Variants in AUTS2 observed in about 807,000 individuals in gnomAD.
The protein encoded by AUTS2 is autism susceptibility gene 2 protein.
Under a neutral mutation model 112.4 loss-of-function variants are expected in AUTS2, and 17 were observed. That is an observed-to-expected ratio of 0.15 (90% CI 0.10 to 0.23). The LOEUF is 0.23. Ranked by LOEUF, AUTS2 falls within the 10% of genes least tolerant of loss-of-function variation. The pLI, the probability that AUTS2 is intolerant of heterozygous loss-of-function variation, is 1.00. For missense variants in AUTS2, 1,510 were observed against 1,701.6 expected, an observed-to-expected ratio of 0.89 and a Z score of 1.98; for synonymous variants, 751 against 702.7, an observed-to-expected ratio of 1.07 and a Z score of -1.09.
At chr7:70,169,795 CG>C (rs1562758640) in intron 4 of AUTS2, among the ~76,000 whole-genome samples, 1 of 152,036 alleles carries the variant, frequency 6.6e-6, no homozygotes, top group Non-Finnish European at 1.5e-5. Context: ...AGAAACATTA[CG>C]GGGTATGATT....
At position 70,791,570 on chromosome 7, in the gene AUTS2, ATTG is replaced by A. The variant is rs917234393; in HGVS notation, c.*577_*579del. On this transcript the variant is annotated 3_prime_UTR_variant, in exon 19 of 19. Coordinates refer to ENST00000342771, the MANE Select transcript of AUTS2 (RefSeq NM_015570.4). ...GTCGGCTAAAGCTGTGTTCCCATAT[ATTG>A]TTATAGACAGCTAAACCCTTCAACT... 6.5e-6 allele frequency: 1 copy of A among 152,674 alleles called. No homozygotes were observed. The highest frequency in any genetic ancestry group is 1.5e-5 in the Non-Finnish European group (1 of 68,050). The allele number at this position is 152,674 out of a possible 1,614,324, so 9.5% of individuals were successfully genotyped here.
At chr7:69,681,609 A>C (rs374312054) in intron 1 of AUTS2, among the ~76,000 whole-genome samples, 5 of 152,182 alleles carry the variant, frequency 3.3e-5, no homozygotes, top group African/African-American at 1.2e-4. Context: ...TGCAATTGCT[A>C]TGAGTGATCT....
intron 2 of AUTS2, among the ~76,000 whole-genome samples, chr7:70,052,901 C>T (rs868660418): frequency 2.6e-5 from 4 of 152,056 alleles, no homozygotes; most frequent in South Asian, 2.1e-4. Flanking sequence ...GTCATGCATG[C>T]TTTCTGTATG....
At chr7:69,819,536 G>A (rs1186606587) in intron 1 of AUTS2, among the ~76,000 whole-genome samples, 1 of 152,232 alleles carries the variant, frequency 6.6e-6, no homozygotes, top group African/African-American at 2.4e-5. Context: ...GATGACAGGT[G>A]TATGCTGAGC....
At chr7:70,192,074 C>G in intron 4 of AUTS2, among the ~76,000 whole-genome samples, 1 of 152,060 alleles carries the variant, frequency 6.6e-6, no homozygotes, top group East Asian at 1.9e-4. Context: ...TAGTTTTAGG[C>G]AAATCACTTA....
intron 4 of AUTS2, among the ~76,000 whole-genome samples, chr7:70,339,085 G>C (rs187796330): frequency 6.6e-6 from 1 of 151,676 alleles, no homozygotes; most frequent in East Asian, 1.9e-4. Context: ...GGATGGTTTC[G>C]ATCTCCTGAC....
chr7:70,128,391 A>C (rs1806090426), intron 3 of AUTS2, among the ~76,000 whole-genome samples: 1 of 152,224 alleles, frequency 6.6e-6, no homozygotes, highest in Non-Finnish European at 1.5e-5. Context: ...TTTCTAATAG[A>C]ATGTTTTCTG....
chr7:70,314,678 A>T (rs1789915171), intron 4 of AUTS2, among the ~76,000 whole-genome samples: 1 of 151,834 alleles, frequency 6.6e-6, no homozygotes, highest in South Asian at 2.1e-4. Context: ...CTCTACCAAG[A>T]ATATCAAGGG....
chr7:70,736,980 GAAGGGAT>G (rs1341715909), intron 6 of AUTS2, among the ~76,000 whole-genome samples: 1 of 152,178 alleles, frequency 6.6e-6, no homozygotes, highest in Non-Finnish European at 1.5e-5. Flanking sequence ...GTTAACAACA[GAAGGGAT>G]CATTTCCCTC....
chr7:69,606,763 A>C (rs1255723986), intron 1 of AUTS2, among the ~76,000 whole-genome samples: 1 of 152,218 alleles, frequency 6.6e-6, no homozygotes, highest in Non-Finnish European at 1.5e-5. Context: ...ATTTGGTAAA[A>C]CTTGAGACAG....
At chr7:70,405,407 G>C (rs1272494262) in intron 4 of AUTS2, among the ~76,000 whole-genome samples, 1 of 152,160 alleles carries the variant, frequency 6.6e-6, no homozygotes, top group Non-Finnish European at 1.5e-5. Flanking sequence ...AAATGGAAAG[G>C]AAAACAGCTT....
At chr7:70,132,680 A>AAT (rs1388258372) in intron 3 of AUTS2, among the ~76,000 whole-genome samples, 2 of 152,162 alleles carry the variant, frequency 1.3e-5, no homozygotes, top group Admixed American at 6.5e-5. Context: ...AGTAATGTAC[A>AAT]ATATATATGC....
At chr7:69,760,348 G>A (rs1300506506) in intron 1 of AUTS2, among the ~76,000 whole-genome samples, 2 of 151,340 alleles carry the variant, frequency 1.3e-5, no homozygotes, top group Admixed American at 1.3e-4. Flanking sequence ...TAATGTAGAT[G>A]ATTTTTTAAA....
chr7:69,928,829 G>A (rs576921781), intron 2 of AUTS2, among the ~76,000 whole-genome samples: 2 of 152,174 alleles, frequency 1.3e-5, no homozygotes, highest in South Asian at 2.1e-4. Context: ...TAAGGTGCAG[G>A]GCTCCTGCTA....
intron 1 of AUTS2, among the ~76,000 whole-genome samples, chr7:69,661,193 A>AT (rs1795777573): frequency 6.6e-6 from 1 of 152,312 alleles, no homozygotes; most frequent in Non-Finnish European, 1.5e-5. Flanking sequence ...ACCTGGATAG[A>AT]TTGATTTGTG....
chr7:69,806,057 A>T (rs575029867), intron 1 of AUTS2, among the ~76,000 whole-genome samples: 4 of 151,674 alleles, frequency 2.6e-5, no homozygotes, highest in African/African-American at 9.7e-5. Flanking sequence ...GTGACACCAC[A>T]CCTGGCTAAT....
chr7:69,747,732 G>C (rs1188573335), intron 1 of AUTS2, among the ~76,000 whole-genome samples: 1 of 150,884 alleles, frequency 6.6e-6, no homozygotes, highest in Non-Finnish European at 1.5e-5. Context: ...TTGTGTGTGT[G>C]TATGTGTGTG....
intron 2 of AUTS2, among the ~76,000 whole-genome samples, chr7:69,934,671 C>T (rs1333226352): frequency 6.6e-6 from 1 of 152,174 alleles, no homozygotes; most frequent in Non-Finnish European, 1.5e-5. Context: ...ATGGTGCCTG[C>T]TGTGTAGTAG....
At chr7:70,439,518 G>A (rs955981999) in intron 5 of AUTS2, among the ~76,000 whole-genome samples, 5 of 136,888 alleles carry the variant, frequency 3.7e-5, no homozygotes, top group African/African-American at 8.4e-5. Context: ...CAGCCTGGGC[G>A]ACAGGGCGAG....
Sources: gnomAD v4.1 joint callset for allele counts (sites outside exome capture counted in the v4.1 genomes callset) on GRCh38, gnomAD v4.1.1 for gene constraint, MANE v1.5 for transcripts, NCBI Gene and HGNC (gene_info 2026-07-23, HGNC 2026-07-21) for gene names.